The following TRMT11 variants were observed in gnomAD, a reference collection of about 807,000 sequenced individuals.
TRMT11 encodes tRNA methyltransferase 11.
A neutral mutation model predicts 62.8 loss-of-function variants in TRMT11; 53 were observed. That is an observed-to-expected ratio of 0.84 (90% CI 0.68 to 1.06). The LOEUF (loss-of-function observed/expected upper bound fraction) is 1.06, where lower values mean the gene tolerates loss of function less well. TRMT11 is among the 50% of genes least tolerant of loss of function. TRMT11 has a pLI of 0.00. For missense variants in TRMT11, 556 were observed against 553.4 expected (o/e 1.00, Z -0.05); for synonymous variants, 188 against 190.3 (o/e 0.99, Z 0.10).
the TRMT11 span, among the ~76,000 whole-genome samples, chr6:126,231,775 G>A: frequency 2.0e-5 from 3 of 152,190 alleles, no homozygotes. Flanking sequence ...ATGCAACAAA[G>A]CTTAGTTACA....
the TRMT11 span, among the ~76,000 whole-genome samples, chr6:126,214,134 G>C: frequency 6.7e-6 from 1 of 149,066 alleles, no homozygotes; most frequent in East Asian, 1.9e-4. Context: ...GTTGATTTCT[G>C]TTTCCTAGTA....
the TRMT11 span, chr6:126,257,872 G>C: frequency 7.7e-7 from 1 of 1,306,156 alleles, no homozygotes; most frequent in Non-Finnish European, 1.1e-6. Flanking sequence ...CTATGAGGTC[G>C]GGGGGACAGT....
At chr6:126,041,963 C>CT (rs1775891254), downstream of TRMT11, among the ~76,000 whole-genome samples, 1 of 152,158 alleles carries the variant, frequency 6.6e-6, no homozygotes. Context: ...GACTTACCCA[C>CT]TCCCATTTTT....
At chr6:126,064,038 T>C (rs1011565387) in intron 17 of TRMT11, among the ~76,000 whole-genome samples, 1 of 152,138 alleles carries the variant, frequency 6.6e-6, no homozygotes, top group African/African-American at 2.4e-5. Flanking sequence ...GAAGCTGCCA[T>C]TGCAGGGTTC....
At chr6:126,113,244 C>T (rs552587177) in intron 18 of TRMT11, among the ~76,000 whole-genome samples, 39 of 152,140 alleles carry the variant, frequency 2.6e-4, no homozygotes, top group African/African-American at 9.1e-4. Flanking sequence ...CTCTGCATGT[C>T]CAGGCAGTCT....
the TRMT11 span, among the ~76,000 whole-genome samples, chr6:126,244,465 A>G: frequency 2.0e-5 from 3 of 152,160 alleles, no homozygotes; most frequent in Non-Finnish European, 2.9e-5. Context: ...CATAGAATCT[A>G]TGGCCAGTAT....
chr6:126,191,127 G>A (rs1185033968), intron 1 of TRMT11, among the ~76,000 whole-genome samples: 2 of 151,932 alleles, frequency 1.3e-5, no homozygotes, highest in African/African-American at 2.4e-5. Context: ...TTTGATAGTA[G>A]CCATTTTAAC....
chr6:126,161,605 G>C (rs1026050042), intron 21 of TRMT11, among the ~76,000 whole-genome samples: 2 of 152,128 alleles, frequency 1.3e-5, no homozygotes, highest in Non-Finnish European at 2.9e-5. Context: ...CCAGTAATGG[G>C]ATGGCTGGGT....
upstream of TRMT11, among the ~76,000 whole-genome samples, chr6:126,175,865 T>C (rs1778379607): frequency 6.6e-6 from 1 of 152,206 alleles, no homozygotes; most frequent in Admixed American, 6.5e-5. Flanking sequence ...GATGTTTTGG[T>C]ACAAAATGCC....
the TRMT11 span, among the ~76,000 whole-genome samples, chr6:126,253,115 G>T: frequency 4.0e-5 from 6 of 151,326 alleles, no homozygotes; most frequent in Non-Finnish European, 8.8e-5. Context: ...AAAAAAACAA[G>T]TTATAATCTA....
chr6:126,087,168 C>T (rs1460306840), intron 17 of TRMT11, among the ~76,000 whole-genome samples: 2 of 152,148 alleles, frequency 1.3e-5, no homozygotes, highest in Non-Finnish European at 2.9e-5. Context: ...TGCAGAAGCT[C>T]GCTTTTGTTC....
At chr6:126,228,471 C>G in the TRMT11 span, among the ~76,000 whole-genome samples, 2 of 152,202 alleles carry the variant, frequency 1.3e-5, no homozygotes, top group Non-Finnish European at 2.9e-5. Flanking sequence ...CTACTCCAAG[C>G]CTGATAAGCG....
At chr6:126,011,802 CAG>C (rs1471069796) in intron 9 of TRMT11, among the ~76,000 whole-genome samples, 1 of 152,112 alleles carries the variant, frequency 6.6e-6, no homozygotes, top group Non-Finnish European at 1.5e-5. Context: ...AAATTTTGAA[CAG>C]AGTTTCAGAT....
chr6:126,252,235 G>A, the TRMT11 span, among the ~76,000 whole-genome samples: 2 of 152,196 alleles, frequency 1.3e-5, no homozygotes, highest in Admixed American at 6.5e-5. Context: ...GGGACTTGGC[G>A]GTGCCCCCTG....
At chr6:126,083,398 A>G (rs1777180389) in intron 17 of TRMT11, among the ~76,000 whole-genome samples, 1 of 152,174 alleles carries the variant, frequency 6.6e-6, no homozygotes, top group Non-Finnish European at 1.5e-5. Flanking sequence ...CCCTTCAGTT[A>G]GGTAATCTGC....
At chr6:126,080,404 C>G (rs1777136662) in intron 17 of TRMT11, among the ~76,000 whole-genome samples, 1 of 152,032 alleles carries the variant, frequency 6.6e-6, no homozygotes, top group African/African-American at 2.4e-5. Flanking sequence ...AACTCTAGTT[C>G]TTACAGCCAA....
chr6:126,019,711 G>T (rs891182362), intron 11 of TRMT11, among the ~76,000 whole-genome samples: 17 of 152,030 alleles, frequency 1.1e-4, no homozygotes, highest in Non-Finnish European at 2.2e-4. Context: ...CTCAACCATG[G>T]TGTAGAATAT....
At chr6:126,185,828 C>G (rs1026371320) in intron 1 of TRMT11, among the ~76,000 whole-genome samples, 1 of 152,114 alleles carries the variant, frequency 6.6e-6, no homozygotes, top group Non-Finnish European at 1.5e-5. Context: ...CACAAGGCTG[C>G]AGGAGAGAGA....
At chr6:126,231,744 A>G in the TRMT11 span, among the ~76,000 whole-genome samples, 1 of 152,216 alleles carries the variant, frequency 6.6e-6, no homozygotes, top group African/African-American at 2.4e-5. Flanking sequence ...ATACAGACTG[A>G]ACGAGGGGGA....
Sources: gnomAD v4.1 joint callset for allele counts (sites outside exome capture counted in the v4.1 genomes callset) on GRCh38, gnomAD v4.1.1 for gene constraint, MANE v1.5 for transcripts, NCBI Gene and HGNC (gene_info 2026-07-23, HGNC 2026-07-21) for gene names.